The following RSU1 variants were observed in gnomAD, a reference collection of about 807,000 sequenced individuals.
The protein encoded by RSU1 is Ras suppressor protein 1.
Under a neutral mutation model 31.1 loss-of-function variants are expected in RSU1, and 26 were observed. The observed-to-expected ratio is 0.84, with a 90% CI of 0.61 to 1.16. The LOEUF is 1.16. Among genes scored for constraint, RSU1 ranks in the 50% most tolerant of loss-of-function variants. RSU1 has a pLI of 0.00. For synonymous variants in RSU1, 164 were observed against 136.3 expected (o/e 1.20, Z -1.41); for missense variants, 320 against 339.1 (o/e 0.94, Z 0.44).
At chr10:16,808,485 GAA>G (rs34449677) in intron 2 of RSU1, among the ~76,000 whole-genome samples, 213 of 89,612 alleles carry the variant, frequency 2.4e-3, no homozygotes, top group Admixed American at 3.4e-3. Flanking sequence ...CTCCATTTAA[GAA>G]AAAAAAAAAA....
chr10:16,650,681 G>A (rs3898566), intron 8 of RSU1, among the ~76,000 whole-genome samples: 42,180 of 147,918 alleles, frequency 0.29, 6,026 homozygotes, highest in East Asian at 0.32. Context: ...CTGGGTTCAC[G>A]CCATTCTCCT....
chr10:16,672,024 C>T (rs985968870), intron 8 of RSU1, among the ~76,000 whole-genome samples: 34 of 150,360 alleles, frequency 2.3e-4, no homozygotes, highest in South Asian at 4.3e-4. Flanking sequence ...TCTGGCCAGA[C>T]GCGGTGGCTC....
chr10:16,644,537 C>A (rs1267837040), intron 8 of RSU1, among the ~76,000 whole-genome samples: 1 of 152,122 alleles, frequency 6.6e-6, no homozygotes, highest in Non-Finnish European at 1.5e-5. Context: ...GAAATTGAGC[C>A]CTAAGAGAAC....
intron 7 of RSU1, among the ~76,000 whole-genome samples, chr10:16,715,814 G>C (rs1157214974): frequency 6.6e-6 from 1 of 152,122 alleles, no homozygotes; most frequent in Non-Finnish European, 1.5e-5. Context: ...GAACTTTAGG[G>C]TGGGATTTTC....
chr10:16,642,491 G>A (rs143805429), intron 8 of RSU1, among the ~76,000 whole-genome samples: 2 of 152,130 alleles, frequency 1.3e-5, no homozygotes, highest in Non-Finnish European at 2.9e-5. Flanking sequence ...TCTGCTGCAT[G>A]CTGGGGGAAG....
At chr10:16,747,294 A>C (rs1836875054) in intron 7 of RSU1, among the ~76,000 whole-genome samples, 1 of 152,166 alleles carries the variant, frequency 6.6e-6, no homozygotes, top group Non-Finnish European at 1.5e-5. Flanking sequence ...ATAATGCCCC[A>C]AACTATATAT....
At chr10:16,655,074 A>G (rs887657094) in intron 8 of RSU1, among the ~76,000 whole-genome samples, 95 of 77,558 alleles carry the variant, frequency 1.2e-3, no homozygotes, top group African/African-American at 4.6e-3. Context: ...AAAAAAAAAA[A>G]AGAGAGAGAG....
At chr10:16,773,993 A>G (rs1837476608) in intron 3 of RSU1, among the ~76,000 whole-genome samples, 1 of 152,138 alleles carries the variant, frequency 6.6e-6, no homozygotes, top group South Asian at 2.1e-4. Flanking sequence ...AGCAAAACGC[A>G]AGGTCAATGA....
At chr10:16,607,902 C>CA (rs1260325696) in intron 8 of RSU1, among the ~76,000 whole-genome samples, 1 of 152,152 alleles carries the variant, frequency 6.6e-6, no homozygotes, top group African/African-American at 2.4e-5. Flanking sequence ...CTTGCTCTGT[C>CA]ACCCAGCTGG....
intron 4 of RSU1, among the ~76,000 whole-genome samples, chr10:16,762,038 C>A (rs1004322196): frequency 6.6e-6 from 1 of 152,016 alleles, no homozygotes; most frequent in African/African-American, 2.4e-5. Flanking sequence ...CCCTGTTGGT[C>A]CACAACCGCC....
intron 7 of RSU1, among the ~76,000 whole-genome samples, chr10:16,715,018 T>A (rs573310419): frequency 5.9e-5 from 9 of 152,180 alleles, no homozygotes; most frequent in Non-Finnish European, 1.2e-4. Flanking sequence ...CAGCACCCCA[T>A]GACTGCCAAG....
intron 7 of RSU1, chr10:16,721,491 T>C (rs1836261171): frequency 1.3e-5 from 2 of 152,246 alleles, no homozygotes; most frequent in Non-Finnish European, 2.9e-5. Context: ...TGAGCCATTC[T>C]GTACAGAGCA....
chr10:16,721,632 C>A (rs1159701670), intron 7 of RSU1: 1 of 152,236 alleles, frequency 6.6e-6, no homozygotes, highest in Admixed American at 6.5e-5. Context: ...GATCCAAGAT[C>A]AACCCTTTAA....
At chr10:16,744,984 A>C (rs1836821835) in intron 7 of RSU1, among the ~76,000 whole-genome samples, 1 of 152,110 alleles carries the variant, frequency 6.6e-6, no homozygotes, top group Non-Finnish European at 1.5e-5. Flanking sequence ...TACACTGACC[A>C]ATCCCACTGT....
At chr10:16,813,010 G>T (rs1379608805) in intron 2 of RSU1, among the ~76,000 whole-genome samples, 3 of 150,524 alleles carry the variant, frequency 2.0e-5, no homozygotes, top group African/African-American at 7.3e-5. Context: ...AAGAGACAAG[G>T]TCTTGTTCTG....
intron 7 of RSU1, among the ~76,000 whole-genome samples, chr10:16,742,662 A>G (rs1836776566): frequency 1.3e-5 from 2 of 152,094 alleles, no homozygotes; most frequent in African/African-American, 4.8e-5. Flanking sequence ...CATTTCTCCC[A>G]GGGCAAAATA....
intron 8 of RSU1, among the ~76,000 whole-genome samples, chr10:16,632,846 G>A (rs747290558): frequency 1.3e-5 from 2 of 152,146 alleles, no homozygotes; most frequent in Non-Finnish European, 2.9e-5. Flanking sequence ...TAGGGAGGCT[G>A]AGATGGGAGG....
At chr10:16,623,910 A>T (rs1180628749) in intron 8 of RSU1, among the ~76,000 whole-genome samples, 1 of 152,160 alleles carries the variant, frequency 6.6e-6, no homozygotes, top group South Asian at 2.1e-4. Context: ...ACATTAAAAC[A>T]TAGGTTTTAA....
intron 4 of RSU1, among the ~76,000 whole-genome samples, chr10:16,760,097 T>C (rs1327618956): frequency 6.6e-6 from 1 of 152,210 alleles, no homozygotes; most frequent in Non-Finnish European, 1.5e-5. Flanking sequence ...GACAACTCCG[T>C]CTATGTAGCT....
Sources: allele counts gnomAD v4.1 joint callset (sites outside exome capture counted in the v4.1 genomes callset), GRCh38; gene constraint gnomAD v4.1.1; transcripts MANE v1.5; gene names NCBI Gene and HGNC (gene_info 2026-07-23, HGNC 2026-07-21).